The following PDE4C variants were observed in gnomAD, a reference collection of about 807,000 sequenced individuals.
The protein encoded by PDE4C is phosphodiesterase 4C, also known as 3',5'-cyclic-AMP phosphodiesterase 4C.
PDE4C carries 50 observed loss-of-function variants against 63.9 expected under a neutral mutation model. The ratio of observed to expected loss-of-function variants is 0.78; its 90% CI spans 0.62 to 0.99. The LOEUF (loss-of-function observed/expected upper bound fraction) is 0.99. PDE4C is among the 50% of genes least tolerant of loss of function. PDE4C has a pLI of 0.00. For synonymous variants in PDE4C, 377 were observed against 385.1 expected, an observed-to-expected ratio of 0.98 and a Z score of 0.25; for missense variants, 777 against 899.1, an observed-to-expected ratio of 0.86 and a Z score of 1.74.
At position 18,213,370 on chromosome 19, in the gene PDE4C, G is replaced by A; in HGVS notation, c.1510C>T (p.Gln504Ter). ...CCAGTGCCCATCCAGCTACACACCTGGATTCGGTCGGAATAGTTGTCCAGG... is the reference window on the plus strand; with the variant it reads ...CCAGTGCCCATCCAGCTACACACCTAGATTCGGTCGGAATAGTTGTCCAGG... The change falls in exon 13 of 15, where the codon CAG becomes TAG. Residue 504 changes from glutamine to a stop codon, truncating the protein, a stop_gained and splice_region_variant. Transcript: ENST00000262805. LOFTEE classifies it high-confidence loss of function. The A allele has an allele frequency of 6.2e-7, 1 of 1,612,954 alleles. No individual in the cohort carries two copies. The highest frequency in any genetic ancestry group is 8.5e-7 in the Non-Finnish European group (1 of 1,179,272).
exon 10 of PDE4C, chr19:18,218,446 T>A: frequency 1.2e-6 from 2 of 1,614,156 alleles, no homozygotes; most frequent in Non-Finnish European, 1.7e-6. Context: ...CATCAGCAGG[T>A]AGGTGGCCAG....
At chr19:18,250,349 T>C, upstream of PDE4C, 1 of 399,152 alleles carries the variant, frequency 2.5e-6, no homozygotes, top group Non-Finnish European at 4.4e-6. Flanking sequence ...CTTGGACTCA[T>C]TCCGGTGACA....
rs1427391178 is a variant in PDE4C, at chr19:18,211,699, C to G, written c.1695+60G>C. On this transcript the variant is annotated intron_variant, in intron 14 of 14. Transcript: ENST00000262805. ...GCCAAACCAGGGCTCGTGGGGTTGG[C>G]TCAGCCCCTCCTTTTACTTCCTCCC... 3 of 1,586,794 alleles carry G rather than the reference C, an allele frequency of 1.9e-6. No individual in the cohort carries two copies. The African/African-American group carries it at 4.0e-5, about 21-fold the overall frequency.
upstream of PDE4C, chr19:18,234,261 C>T (rs1160701165): frequency 6.6e-6 from 1 of 152,278 alleles, no homozygotes; most frequent in African/African-American, 2.4e-5. Context: ...ATCTCTGAGA[C>T]TCTCGTGCTT....
chr19:18,255,201 C>A, the PDE4C span: 1 of 396,354 alleles, frequency 2.5e-6, no homozygotes. This position sits in a 1 kb window ranked among gnomAD's most constrained non-coding sequence, Gnocchi z 4.6. Flanking sequence ...GGAAGCTGAG[C>A]CTCTTTACCA....
At chr19:18,240,644 C>T (rs1969020670) in intron 1 of PDE4C, among the ~76,000 whole-genome samples, 1 of 152,060 alleles carries the variant, frequency 6.6e-6, no homozygotes, top group Non-Finnish European at 1.5e-5. Flanking sequence ...AGGAGAATCG[C>T]TTGAACCTGG....
intron 1 of PDE4C, among the ~76,000 whole-genome samples, chr19:18,232,396 T>C (rs959454264): frequency 1.3e-5 from 2 of 150,112 alleles, no homozygotes; most frequent in African/African-American, 2.5e-5. Context: ...TGTGTGTGTG[T>C]GTGTGTGTGT....
exon 15 of PDE4C, chr19:18,210,580 TTAAG>T: frequency 1.0e-5 from 2 of 193,268 alleles, no homozygotes; most frequent in Non-Finnish European, 2.1e-5. Flanking sequence ...AAGGAAATAA[TTAAG>T]TGACAGATGT....
In PDE4C at chr19:18,220,840, C is replaced by T. The variant is rs1378325523; in HGVS notation, c.499+34G>A. The T allele has an allele frequency of 1.3e-6, 2 of 1,593,200 alleles. No homozygotes were observed. Among genetic ancestry groups the T allele is most frequent in the Non-Finnish European group, 1.7e-6 (2 of 1,167,692 alleles). Reference sequence around the variant, plus strand: ...CTATGGAAAGGAAGCTCCCAGCTGTCCTCAGCGGGGGAGGGAAGGAACAGG... The same window carrying T: ...CTATGGAAAGGAAGCTCCCAGCTGTTCTCAGCGGGGGAGGGAAGGAACAGG... On this transcript the variant is annotated intron_variant, in intron 5 of 14. Transcript: ENST00000262805. This position sits in a 1 kb window ranked among gnomAD's most constrained non-coding sequence, Gnocchi z 5.1.
At position 18,232,698 on chromosome 19, in the gene PDE4C, G is replaced by A. The variant is rs113539800; in HGVS notation, c.242+252C>T. 4.5e-4 allele frequency among the ~76,000 whole-genome samples: 68 copies of A among 150,800 alleles called. 1 individual carries two copies. The highest frequency in any genetic ancestry group is 1.5e-3 in the African/African-American group (63 of 41,070). On this transcript the variant is annotated intron_variant, in intron 1 of 14. Coordinates refer to the PDE4C transcript ENST00000594465. ...TCACCCCAGTCTCACGCGCGCGCGC[G>A]CACACACACACACACTCTTTCAGTC...
In PDE4C at chr19:18,241,305, C is replaced by T. The variant is rs1423270423; in HGVS notation, c.-210+6866G>A. On this transcript the variant is annotated intron_variant, in intron 1 of 15. Transcript: ENST00000594617. ...TTTTTGAGATGGAGTCTCGCTCTGT[C>T]GCCCAGGCTGGAGTGCAGTGGCGCG... Among the ~76,000 whole-genome samples, 5 of 119,672 alleles carry T rather than the reference C, an allele frequency of 4.2e-5. No homozygotes were observed. The East Asian group carries it at 7.5e-4, about 18-fold the overall frequency. The allele number at this position is 119,672 out of a possible 152,430, so 78.5% of individuals were successfully genotyped here. A position where few individuals can be genotyped will look rare whatever the true frequency, so the allele number is the denominator to read the frequency against.
At chr19:18,208,918 T>G (rs1967807666), downstream of PDE4C, 1 of 152,034 alleles carries the variant, frequency 6.6e-6, no homozygotes, top group African/African-American at 2.4e-5. Flanking sequence ...GAAAATTGTG[T>G]GTTTTTGTTG....
At chr19:18,247,394 C>T (rs1222676799) in intron 1 of PDE4C, among the ~76,000 whole-genome samples, 1 of 152,154 alleles carries the variant, frequency 6.6e-6, no homozygotes, top group African/African-American at 2.4e-5. Context: ...CTCCCAGGTT[C>T]AAGCAATTCT....
At chr19:18,221,055 C>CCCCCCCCCCCCCCCCCCCCCCACAG in intron 4 of PDE4C, 50 bp downstream of exon 4, 1 of 763,412 alleles carries the variant, frequency 1.3e-6, no homozygotes, top group Non-Finnish European at 1.8e-6. Context: ...GCTTTCCGCC[C>CCCCCCCCCCCCCCCCCCCCCCACAG]ACCTTGTCTC....
the PDE4C span, among the ~76,000 whole-genome samples, chr19:18,254,873 C>T: frequency 1.3e-5 from 2 of 152,074 alleles, no homozygotes; most frequent in Non-Finnish European, 2.9e-5. Flanking sequence ...TCCCTGGAAC[C>T]CCCATGGCCC....
chr19:18,208,042 A>G (rs1200496768), downstream of PDE4C: 2 of 152,154 alleles, frequency 1.3e-5, no homozygotes, highest in East Asian at 3.8e-4. Context: ...ACATGGTATT[A>G]CTTTGTAAGC....
At position 18,217,578 on chromosome 19, in the gene PDE4C, C is replaced by T. The variant is rs140757308; in HGVS notation, c.1234+571G>A. On this transcript the variant is annotated intron_variant, in intron 11 of 14. Transcript: ENST00000262805. ...CCTGTCAACTGAGTTTTTCAGATTC[C>T]TCATAGGATCCTAAACTTTAAGATC... Among the ~76,000 whole-genome samples the T allele has an allele frequency of 1.0e-3, 154 of 152,166 alleles. 2 individuals carry two copies. The highest frequency in any genetic ancestry group is 8.8e-5 in the Non-Finnish European group (6 of 68,024).
rs777097120 is a variant in PDE4C, at chr19:18,218,914, T to G, written c.969+26A>C. Reference sequence around the variant, plus strand: ...TGAGGGAAACCCCAGGAGTTTTTCCTTGGAAGCCAAGGGCAGGGTAGGTAC... The same window carrying G: ...TGAGGGAAACCCCAGGAGTTTTTCCGTGGAAGCCAAGGGCAGGGTAGGTAC... On this transcript the variant is annotated intron_variant, in intron 9 of 14. Transcript: ENST00000262805. The G allele has an allele frequency of 5.1e-6, 8 of 1,558,384 alleles. No homozygotes were observed. The South Asian group carries it at 8.9e-5, about 17-fold the overall frequency.
Position 18,213,496 on chromosome 19 carries a change from G to A in PDE4C, c.1390-6C>T, listed in dbSNP as rs1568662206. Reference sequence around the variant, plus strand: ...GACATGTCTGTGGCCAGCACCTGGGGGCAGGCAAGGGAAGGTGACAGGCGC... The same window carrying A: ...GACATGTCTGTGGCCAGCACCTGGGAGCAGGCAAGGGAAGGTGACAGGCGC... On this transcript the variant is annotated splice_region_variant and splice_polypyrimidine_tract_variant and intron_variant, in intron 12 of 14. Transcript: ENST00000262805. 46 of 1,609,640 alleles carry A rather than the reference G, an allele frequency of 2.9e-5. No homozygotes were observed. Among genetic ancestry groups the A allele is most frequent in the Non-Finnish European group, 3.9e-5 (46 of 1,177,444 alleles).
Sources: gnomAD v4.1 joint callset for allele counts (sites outside exome capture counted in the v4.1 genomes callset) on GRCh38, gnomAD v4.1.1 for gene constraint, Gnocchi (gnomAD v3.1) non-coding constraint, MANE v1.5 for transcripts, NCBI Gene and HGNC (gene_info 2026-07-23, HGNC 2026-07-21) for gene names.